Variants in CYFIP1 observed in about 807,000 individuals in gnomAD.
The protein encoded by CYFIP1 is cytoplasmic FMR1-interacting protein 1.
Under a neutral mutation model 163.5 loss-of-function variants are expected in CYFIP1, and 58 were observed. The observed-to-expected ratio is 0.35, with a 90% confidence interval of 0.29 to 0.44. The LOEUF (loss-of-function observed/expected upper bound fraction) is 0.44. Among genes scored for constraint, CYFIP1 ranks in the 20% least tolerant of loss-of-function variants. The probability of loss-of-function intolerance (pLI) is 1.00; values close to 1 mark genes in which losing one functional copy is unlikely to be tolerated. For synonymous variants in CYFIP1, 663 were observed against 660.7 expected, an observed-to-expected ratio of 1.00 and a Z score of -0.05; for missense variants, 1,338 against 1,653.8, an observed-to-expected ratio of 0.81 and a Z score of 3.31.
At chr15:22,968,719 A>C (rs1489550246) in intron 1 of CYFIP1, among the ~76,000 whole-genome samples, 1 of 152,182 alleles carries the variant, frequency 6.6e-6, no homozygotes, top group African/African-American at 2.4e-5. Context: ...GCTACCTCTC[A>C]AGAGTCAGTG....
chr15:22,958,139 G>A (rs1054269952), intron 1 of CYFIP1, among the ~76,000 whole-genome samples: 50 of 148,210 alleles, frequency 3.4e-4, no homozygotes, highest in Non-Finnish European at 5.5e-4. Context: ...CTTGTCACCC[G>A]GGCTGGCGCA....
chr15:22,917,436 T>C lies in CYFIP1; in HGVS notation c.1674+352A>G. On this transcript the variant is annotated intron_variant, in intron 15 of 30. Coordinates refer to ENST00000617928, the MANE Select transcript of CYFIP1 (RefSeq NM_014608.6). This position sits in a 1 kb window ranked among gnomAD's most constrained non-coding sequence, Gnocchi z 4.2. ...ACAGTTTCCCACGCCCCATCTACAG[T>C]CATTTGCAGACCCAACGTAAAAATT... The C allele has an allele frequency of 1.8e-6, 1 of 568,298 alleles. No homozygotes were observed. Among genetic ancestry groups the C allele is most frequent in the South Asian group, 3.3e-5 (1 of 30,430 alleles). 35.2% of individuals were successfully genotyped at this position (568,298 alleles called of 1,614,324 possible).
chr15:22,872,344 T>C (rs1304382623), intron 30 of CYFIP1, among the ~76,000 whole-genome samples: 1 of 143,768 alleles, frequency 7.0e-6, no homozygotes, highest in Non-Finnish European at 1.5e-5. Context: ...AACAAAGAGA[T>C]GTGGAGAATA....
intron 26 of CYFIP1, among the ~76,000 whole-genome samples, chr15:22,877,930 C>T (rs113743239): frequency 0.023 from 3,511 of 152,348 alleles, 52 homozygotes; most frequent in African/African-American, 0.031. Flanking sequence ...TCTCTTTCAC[C>T]GCACAGGCTG....
intron 11 of CYFIP1, among the ~76,000 whole-genome samples, chr15:22,930,621 GTCT>G (rs1175312971): frequency 3.3e-5 from 5 of 151,936 alleles, no homozygotes; most frequent in Admixed American, 1.3e-4. Context: ...GTGTGTTTGG[GTCT>G]TCATTTTTAA....
chr15:22,910,863 C>A (rs770523039), intron 18 of CYFIP1, 50 bp from the exon 19 acceptor site: 4 of 1,486,768 alleles, frequency 2.7e-6, no homozygotes, highest in Admixed American at 3.6e-5. Flanking sequence ...AAAGCAAGAT[C>A]AAATAACAAG....
At position 22,925,967 on chromosome 15, in the gene CYFIP1, G is replaced by A. The variant is rs375655698; in HGVS notation, c.1359+15C>T. On this transcript the variant is annotated intron_variant, in intron 13 of 30. Transcript: ENST00000617928. ...AGAGCGACATGAGGAAGAGCGAGCG[G>A]CCGAGCATCCTCACCTCCACTAGGG... 6.2e-7 allele frequency: 1 copy of A among 1,611,584 alleles called. No homozygotes were observed. Among genetic ancestry groups the A allele is most frequent in the South Asian group, 1.1e-5 (1 of 91,006 alleles).
Position 22,932,215 on chromosome 15 carries a change from G to C in CYFIP1, c.1110+8C>G, listed in dbSNP as rs949397977. ...GGTGCCTGTGCAGCTCCAGGTCGCG[G>C]GGCGCACCTCGCTGTTGCTGTAGCG... On this transcript the variant is annotated splice_region_variant and intron_variant, in intron 11 of 30. Coordinates refer to ENST00000617928, the MANE Select transcript of CYFIP1 (RefSeq NM_014608.6). 1.4e-5 allele frequency: 22 copies of C among 1,603,476 alleles called. No individual in the cohort carries two copies. The African/African-American group carries it at 2.7e-4, about 20-fold the overall frequency.
chr15:22,885,009 C>T (rs961395208), intron 23 of CYFIP1, among the ~76,000 whole-genome samples: 1 of 151,878 alleles, frequency 6.6e-6, no homozygotes, highest in Non-Finnish European at 1.5e-5. Context: ...AGGGGCAGGG[C>T]AGGCCCTGGG....
At position 22,978,499 on chromosome 15, in the gene CYFIP1, G is replaced by A. The variant is rs562062330; in HGVS notation, c.-7+1788C>T. Among the ~76,000 whole-genome samples, 6 of 150,960 alleles carry A rather than the reference G, an allele frequency of 4.0e-5. 1 individual carries two copies. In the Middle Eastern group the frequency reaches 0.021, roughly 517 times the overall value. Reference sequence around the variant, plus strand: ...AACCAAACATCATTAAGTGAAAAATGTATGACGATAATATATGCAATATGA... The same window carrying A: ...AACCAAACATCATTAAGTGAAAAATATATGACGATAATATATGCAATATGA... On this transcript the variant is annotated intron_variant, in intron 1 of 30. Coordinates refer to ENST00000617928, the MANE Select transcript of CYFIP1 (RefSeq NM_014608.6).
At chr15:22,922,804 C>T (rs996439305) in intron 13 of CYFIP1, among the ~76,000 whole-genome samples, 1 of 152,112 alleles carries the variant, frequency 6.6e-6, no homozygotes, top group Admixed American at 6.5e-5. Context: ...CCAGCCTGGC[C>T]AACATGGTGA....
intron 9 of CYFIP1, 90 bp downstream of exon 9, chr15:22,937,014 A>G: frequency 4.6e-6 from 4 of 863,346 alleles, no homozygotes; most frequent in Non-Finnish European, 7.6e-6. Context: ...GTTTCCTGAT[A>G]TAGATCACAG....
intron 22 of CYFIP1, among the ~76,000 whole-genome samples, chr15:22,893,868 G>A (rs2060147984): frequency 6.6e-6 from 1 of 152,192 alleles, no homozygotes; most frequent in Admixed American, 6.5e-5. Context: ...ATCTGCGTGA[G>A]TCCATGTATG....
chr15:22,953,383 C>T (rs1330788654), intron 1 of CYFIP1, among the ~76,000 whole-genome samples: 1 of 152,330 alleles, frequency 6.6e-6, no homozygotes. Flanking sequence ...CACCAGCGGA[C>T]CCTGCACCCC....
At chr15:22,902,137 G>A (rs2060412317) in intron 22 of CYFIP1, among the ~76,000 whole-genome samples, 1 of 152,336 alleles carries the variant, frequency 6.6e-6, no homozygotes, top group African/African-American at 2.4e-5. Flanking sequence ...CAGATAAGAT[G>A]GAACCAGCCT....
Position 22,892,984 on chromosome 15 carries a change from A to G in CYFIP1, c.2589-7T>C, listed in dbSNP as rs1300669409. On this transcript the variant is annotated splice_polypyrimidine_tract_variant and splice_region_variant and intron_variant, in intron 22 of 30. Coordinates refer to ENST00000617928, the MANE Select transcript of CYFIP1 (RefSeq NM_014608.6). ...TAACACTGTCCGAACAAACCTAAAC[A>G]AGAAAGATTTAAAAAAGAAAAAGAA... is the stretch of plus-strand genomic sequence containing the variant. 2 of 1,604,838 alleles carry G rather than the reference A, an allele frequency of 1.2e-6. No homozygotes were observed. The highest frequency in any genetic ancestry group is 2.2e-5 in the East Asian group (1 of 44,860).
intron 23 of CYFIP1, among the ~76,000 whole-genome samples, chr15:22,889,886 C>T (rs2060026192): frequency 6.6e-6 from 1 of 152,186 alleles, no homozygotes; most frequent in Non-Finnish European, 1.5e-5. Flanking sequence ...TCTAAAATAA[C>T]ATTTCCTTCA....
chr15:22,882,843 A>C lies in CYFIP1; in HGVS notation c.2820+25T>G, dbSNP rs778365902. On this transcript the variant is annotated intron_variant, in intron 24 of 30. Coordinates refer to ENST00000617928, the MANE Select transcript of CYFIP1 (RefSeq NM_014608.6). Reference sequence around the variant, plus strand: ...CCCCAGGGAATCCAGGCTGTGTGAAAGAAGCATGTCCAGGGAACACTCACC... The same window carrying C: ...CCCCAGGGAATCCAGGCTGTGTGAACGAAGCATGTCCAGGGAACACTCACC... 1.2e-4 allele frequency: 188 copies of C among 1,600,442 alleles called. 2 individuals are homozygous for C. In the East Asian group the frequency reaches 4.1e-3, roughly 35 times the overall value.
At chr15:22,885,538 C>G (rs2059905650) in intron 23 of CYFIP1, among the ~76,000 whole-genome samples, 1 of 152,162 alleles carries the variant, frequency 6.6e-6, no homozygotes, top group Non-Finnish European at 1.5e-5. Context: ...TGAGAACAGC[C>G]TGGCCAACAC....
Sources: gnomAD v4.1 joint callset for allele counts (sites outside exome capture counted in the v4.1 genomes callset) on GRCh38, gnomAD v4.1.1 for gene constraint, Gnocchi (gnomAD v3.1) non-coding constraint, MANE v1.5 for transcripts, NCBI Gene and HGNC (gene_info 2026-07-23, HGNC 2026-07-21) for gene names.